Variants in PCSK5 observed in about 807,000 individuals in gnomAD.
PCSK5 encodes the protein prohormone convertase 5.
Under a neutral mutation model 233.2 loss-of-function variants are expected in PCSK5, and 129 were observed. The observed-to-expected ratio is 0.55, with a 90% CI of 0.48 to 0.64. PCSK5 has a LOEUF of 0.64. PCSK5 is among the 30% of genes least tolerant of loss of function. PCSK5 has a pLI of 0.00. For synonymous variants in PCSK5, 825 were observed against 879.2 expected (o/e 0.94, Z 1.09); for missense variants, 2,076 against 2,430.1 (o/e 0.85, Z 3.06).
At chr9:75,903,838 C>T (rs1412324176) in intron 1 of PCSK5, among the ~76,000 whole-genome samples, 2 of 151,204 alleles carry the variant, frequency 1.3e-5, no homozygotes, top group South Asian at 2.1e-4. Context: ...CATCCCAGGG[C>T]CTATAATTTT....
intron 24 of PCSK5, among the ~76,000 whole-genome samples, chr9:76,256,115 T>A (rs1826973966): frequency 6.6e-6 from 1 of 152,220 alleles, no homozygotes; most frequent in Non-Finnish European, 1.5e-5. Flanking sequence ...TGTTCCTTAG[T>A]TGTGTCTCCT....
intron 7 of PCSK5, among the ~76,000 whole-genome samples, chr9:76,088,119 G>C (rs7027627): frequency 0.021 from 3,272 of 152,292 alleles, 88 homozygotes; most frequent in African/African-American, 0.062. Flanking sequence ...TCCTTAGAGT[G>C]TCTCTTAGGC....
chr9:75,967,866 G>C (rs1825659141), intron 2 of PCSK5, among the ~76,000 whole-genome samples: 1 of 151,788 alleles, frequency 6.6e-6, no homozygotes, highest in South Asian at 2.1e-4. Flanking sequence ...AGGTTCAAAT[G>C]ATTCTCCTGC....
intron 10 of PCSK5, among the ~76,000 whole-genome samples, chr9:76,134,486 T>G (rs1000060567): frequency 1.8e-4 from 28 of 152,046 alleles, no homozygotes; most frequent in African/African-American, 6.8e-4. Context: ...GACCCCTGAT[T>G]AGTTTACTAT....
At chr9:76,250,385 G>A (rs1312388129) in intron 24 of PCSK5, among the ~76,000 whole-genome samples, 1 of 152,176 alleles carries the variant, frequency 6.6e-6, no homozygotes. Flanking sequence ...AAAGGGCAGG[G>A]GCAGAAGGAC....
chr9:76,144,008 A>G (rs1823333850), intron 10 of PCSK5, among the ~76,000 whole-genome samples: 1 of 151,808 alleles, frequency 6.6e-6, no homozygotes. Context: ...CAAACATTTA[A>G]AGAGAGCAAG....
At chr9:76,026,175 A>G (rs1828417142) in intron 4 of PCSK5, among the ~76,000 whole-genome samples, 1 of 152,228 alleles carries the variant, frequency 6.6e-6, no homozygotes, top group Non-Finnish European at 1.5e-5. Flanking sequence ...CATAAATTTG[A>G]TCAATTGTAA....
chr9:76,201,592 G>A (rs920097594), intron 20 of PCSK5, among the ~76,000 whole-genome samples: 2 of 152,204 alleles, frequency 1.3e-5, no homozygotes, highest in African/African-American at 4.8e-5. Flanking sequence ...AGCTGGTGCT[G>A]TCAGGTCCCA....
At chr9:76,207,843 T>G (rs1363778129) in intron 20 of PCSK5, among the ~76,000 whole-genome samples, 1 of 152,180 alleles carries the variant, frequency 6.6e-6, no homozygotes, top group East Asian at 1.9e-4. Flanking sequence ...TGTCTTAGTC[T>G]GCTTCCTGCT....
intron 1 of PCSK5, among the ~76,000 whole-genome samples, chr9:75,895,901 G>A (rs1394109402): frequency 1.3e-5 from 2 of 152,180 alleles, no homozygotes; most frequent in Non-Finnish European, 2.9e-5. Flanking sequence ...TTGAAATGTT[G>A]ATTCACATGG....
At chr9:76,327,297 G>T (rs983050892) in intron 32 of PCSK5, among the ~76,000 whole-genome samples, 1 of 151,840 alleles carries the variant, frequency 6.6e-6, no homozygotes, top group South Asian at 2.1e-4. Flanking sequence ...TCTAGAGACA[G>T]TGTCTTGCCA....
chr9:76,155,381 C>G (rs543574937), intron 10 of PCSK5, among the ~76,000 whole-genome samples: 1 of 152,270 alleles, frequency 6.6e-6, no homozygotes, highest in South Asian at 2.1e-4. Flanking sequence ...GCACAGTGTT[C>G]GTTTTTATAT....
chr9:75,943,297 A>G (rs911738686), intron 2 of PCSK5, among the ~76,000 whole-genome samples: 4 of 152,216 alleles, frequency 2.6e-5, no homozygotes, highest in Non-Finnish European at 5.9e-5. Context: ...TTTTGAACCT[A>G]TAGTTTCTGT....
intron 3 of PCSK5, among the ~76,000 whole-genome samples, chr9:75,990,515 G>C (rs928849162): frequency 2.0e-5 from 3 of 152,188 alleles, no homozygotes; most frequent in Non-Finnish European, 4.4e-5. Context: ...ATTTCTAGGA[G>C]TTGGAGGGTT....
chr9:76,318,031 T>C (rs1829080642), intron 30 of PCSK5, among the ~76,000 whole-genome samples: 1 of 152,126 alleles, frequency 6.6e-6, no homozygotes, highest in African/African-American at 2.4e-5. Flanking sequence ...TAGAAAGCAA[T>C]TGGAATAGGT....
At chr9:76,207,675 G>C (rs1363947255) in intron 20 of PCSK5, among the ~76,000 whole-genome samples, 1 of 152,170 alleles carries the variant, frequency 6.6e-6, no homozygotes, top group Non-Finnish European at 1.5e-5. Context: ...GTTATGAAAA[G>C]GAATTAGAGA....
Position 76,259,567 on chromosome 9 carries a change from A to G in PCSK5, c.3142+18883A>G, listed in dbSNP as rs181692950. ...TTTTGATGTTTTATTGACTTTTAAT[A>G]TCTGTGTGTCGTATTTCTTCCCTCA... On this transcript the variant is annotated intron_variant, in intron 24 of 37. Coordinates refer to ENST00000674117, the MANE Select transcript of PCSK5 (RefSeq NM_001372043.1). 9.9e-5 allele frequency among the ~76,000 whole-genome samples: 15 copies of G among 152,142 alleles called. No homozygotes were observed. The South Asian group carries it at 1.2e-3, about 13-fold the overall frequency.
intron 24 of PCSK5, among the ~76,000 whole-genome samples, chr9:76,259,912 C>A (rs1165541984): frequency 6.6e-6 from 1 of 152,150 alleles, no homozygotes; most frequent in African/African-American, 2.4e-5. Context: ...ACCAGTGGCC[C>A]AAATCAGCAG....
At chr9:76,086,502 G>GA (rs1444142075) in intron 7 of PCSK5, among the ~76,000 whole-genome samples, 2 of 152,102 alleles carry the variant, frequency 1.3e-5, no homozygotes, top group Admixed American at 1.3e-4. Context: ...TGAGGTCTGA[G>GA]AAAAAACAGA....
Sources: allele counts gnomAD v4.1 joint callset (sites outside exome capture counted in the v4.1 genomes callset), GRCh38; gene constraint gnomAD v4.1.1; transcripts MANE v1.5; gene names NCBI Gene and HGNC (gene_info 2026-07-23, HGNC 2026-07-21).